AKNA: variants seen among roughly 807,000 people sequenced by gnomAD.
The protein encoded by AKNA is microtubule organization protein AKNA.
In AKNA, 67 loss-of-function variants were observed where a neutral mutation model predicts 138.8. The ratio of observed to expected loss-of-function variants is 0.48; its 90% CI spans 0.40 to 0.59. AKNA has a LOEUF of 0.59. AKNA is among the 20% of genes least tolerant of loss of function. The probability of loss-of-function intolerance (pLI) is 0.00; values close to 1 mark genes in which losing one functional copy is unlikely to be tolerated. For synonymous variants in AKNA, 737 were observed against 754.4 expected, an observed-to-expected ratio of 0.98 and a Z score of 0.38; for missense variants, 1,813 against 1,880.4, an observed-to-expected ratio of 0.96 and a Z score of 0.66.
chr9:114,376,621 T>C lies in AKNA; in HGVS notation c.1186A>G (p.Ile396Val). The C allele has an allele frequency of 1.2e-6, 2 of 1,614,132 alleles. No homozygotes were observed. The highest frequency in any genetic ancestry group is 1.7e-6 in the Non-Finnish European group (2 of 1,180,002). ...ACAATCTCAGCTGGAGACTTGAAGA[T>C]GAGGGGCCTGGCAGGGGCCTGAGGC... ...RKPQAPARPL[I>V]FKSPAEIVQE... The change falls in exon 3 of 22, where the codon ATC becomes GTC. Residue 396 changes from isoleucine (I) to valine (V), a missense_variant. Physicochemically the swap from Ile to Val is conservative, Grantham distance 29 (BLOSUM62 3). Transcript: ENST00000374088.
intron 15 of AKNA, chr9:114,349,095 T>C (rs1830917406): frequency 2.5e-6 from 1 of 401,586 alleles, no homozygotes; most frequent in Non-Finnish European, 5.1e-6. Flanking sequence ...AGGGCAAGTG[T>C]GGGCGGTGGC....
chr9:114,374,020 C>T (rs1020837599), intron 4 of AKNA, 73 bp downstream of exon 4: 5 of 1,488,558 alleles, frequency 3.4e-6, no homozygotes, highest in Non-Finnish European at 3.7e-6. Flanking sequence ...AGTGGCCTTT[C>T]TCTAGGACTA....
Position 114,342,074 on chromosome 9 carries a change from T to C in AKNA, c.3809A>G (p.Gln1270Arg). Residue 1270 changes from glutamine (Q) to arginine (R), a missense_variant, in exon 20 of 22, where the codon CAG (glutamine) becomes CGG (arginine). Physicochemically the swap from Gln to Arg is conservative, Grantham distance 43 (BLOSUM62 1). Coordinates refer to ENST00000374088, the MANE Select transcript of AKNA (RefSeq NM_001317950.2). ...PLGPPPADTLQCPLCGQVGSP... is the reference protein window; with the variant it reads ...PLGPPPADTLRCPLCGQVGSP... The stretch of plus-strand genomic sequence containing the variant: ...CCCAACTTGACCACACAGGGGACAC[T>C]GAAGGGTATCAGCGGGAGGCGGTCC... The C allele has an allele frequency of 6.2e-7, 1 of 1,613,164 alleles. No individual in the cohort carries two copies. The highest frequency in any genetic ancestry group is 8.5e-7 in the Non-Finnish European group (1 of 1,179,648).
upstream of AKNA, among the ~76,000 whole-genome samples, chr9:114,395,501 A>G (rs1834504480): frequency 6.6e-6 from 1 of 152,034 alleles, no homozygotes; most frequent in Admixed American, 6.5e-5. Context: ...TCAGGCTCAT[A>G]CCAACCTGTT....
chr9:114,361,876 C>A lies in AKNA; in HGVS notation c.1952G>T (p.Cys651Phe), dbSNP rs1831995499. Residue 651 changes from cysteine (C) to phenylalanine (F), a missense_variant, in exon 9 of 22, where the codon TGC (cysteine) becomes TTC (phenylalanine). By Grantham distance (205) the Cys-to-Phe change is radical (BLOSUM62 -2). Transcript: ENST00000374088. Reference protein sequence around the residue: ...LEAEIYRLGSCLEELKEHIDQ... With the variant: ...LEAEIYRLGSFLEELKEHIDQ... ...TATGTGTTCCTTCAGCTCTTCCAGGCAGCTTCCCAGACGGTATATCTCTGC... is the reference window on the plus strand; with the variant it reads ...TATGTGTTCCTTCAGCTCTTCCAGGAAGCTTCCCAGACGGTATATCTCTGC... 1 of 1,606,666 alleles carries A rather than the reference C, an allele frequency of 6.2e-7. No homozygotes were observed. Among genetic ancestry groups the A allele is most frequent in the Non-Finnish European group, 8.5e-7 (1 of 1,179,980 alleles).
rs1830039684 is a variant in AKNA at position 114,337,122 on chromosome 9, G to A, written c.4252C>T (p.Gln1418Ter). 1.2e-5 allele frequency: 19 copies of A among 1,606,606 alleles called. No individual in the cohort carries two copies. The highest frequency in any genetic ancestry group is 1.6e-5 in the Non-Finnish European group (19 of 1,177,082). Residue 1418 changes from glutamine (Q) to a stop codon, truncating the protein, a stop_gained, in exon 22 of 22, where the codon CAG (glutamine) becomes TAG (stop). Coordinates refer to ENST00000374088, the MANE Select transcript of AKNA (RefSeq NM_001317950.2). LOFTEE classifies it high-confidence loss of function. ...TCGGCTGACAGCGAGCTTCTCATCTGCCTGGTGGTAGAGCGGACGCTCTCG... is the reference window on the plus strand; with the variant it reads ...TCGGCTGACAGCGAGCTTCTCATCTACCTGGTGGTAGAGCGGACGCTCTCG... The part of the protein sequence containing the change: ...AAESVRSTTR[Q>*]MRSSLSADLR...
chr9:114,347,671 CTA>C, intron 16 of AKNA, 51 bp downstream of exon 16: 1 of 1,461,068 alleles, frequency 6.8e-7, no homozygotes, highest in East Asian at 2.6e-5. Flanking sequence ...CCAGCCAAGA[CTA>C]TCTTCTGTAG....
intron 16 of AKNA, 89 bp from the exon 17 acceptor site, chr9:114,346,873 G>T: frequency 9.3e-7 from 1 of 1,078,418 alleles, no homozygotes. Context: ...CTGGAGAAAT[G>T]CTTCTAACAC....
At chr9:114,380,710 T>A (rs934772114) in intron 2 of AKNA, among the ~76,000 whole-genome samples, 4 of 151,904 alleles carry the variant, frequency 2.6e-5, no homozygotes, top group Non-Finnish European at 1.5e-5. Context: ...ATGGCCGGGC[T>A]TATGCCTGTA....
chr9:114,371,355 C>T (rs1426258321), intron 4 of AKNA, among the ~76,000 whole-genome samples: 1 of 152,250 alleles, frequency 6.6e-6, no homozygotes, highest in Non-Finnish European at 1.5e-5. Context: ...CCTCTCTGTG[C>T]CTCAGCTTCC....
At position 114,346,704 on chromosome 9, in the gene AKNA, G is replaced by A. The variant is rs1482740213; in HGVS notation, c.3479C>T (p.Ser1160Phe). 6.2e-7 allele frequency: 1 copy of A among 1,612,766 alleles called. No individual in the cohort carries two copies. ...VPPGRQRARSSSVPREVLRLS... is the reference protein window; with the variant it reads ...VPPGRQRARSFSVPREVLRLS... Reference sequence around the variant, plus strand: ...TCGGAGCACCTCCCGAGGCACTGAGGAAGACCTGGCTCGCTGCCTTCCTGG... The same window carrying A: ...TCGGAGCACCTCCCGAGGCACTGAGAAAGACCTGGCTCGCTGCCTTCCTGG... Residue 1160 changes from serine (S) to phenylalanine (F), a missense_variant, in exon 17 of 22, where the codon TCC becomes TTC. By Grantham distance (155) the Ser-to-Phe change is radical. Transcript: ENST00000374088.
chr9:114,347,071 C>T (rs1359982569), intron 16 of AKNA, among the ~76,000 whole-genome samples: 1 of 152,122 alleles, frequency 6.6e-6, no homozygotes, highest in Non-Finnish European at 1.5e-5. Context: ...AGTGCCCTCC[C>T]ATAGACTCAA....
rs780673076 is a variant in AKNA, at chr9:114,341,574, G to A, written c.4026C>T (p.Tyr1342=). The stretch of plus-strand genomic sequence containing the variant: ...AAGGCATGATGGGAACCGAGGAGAT[G>A]TAGGCAAAGGCTGGAGGGGCTGGTG... ...PPAPAPPAFA[Y]ISSVPIMPYP... is the part of the protein sequence containing the mutation. Residue 1342 remains tyrosine, a synonymous_variant, in exon 21 of 22, where the codon TAC becomes TAT. Transcript: ENST00000374088. The A allele has an allele frequency of 3.1e-6, 5 of 1,614,030 alleles. No homozygotes were observed. The Admixed American group carries it at 8.3e-5, about 27-fold the overall frequency.
At chr9:114,364,468 CT>C (rs1832193149) in intron 7 of AKNA, 91 bp downstream of exon 7, 2 of 1,355,792 alleles carry the variant, frequency 1.5e-6, no homozygotes, top group African/African-American at 1.4e-5. Context: ...ATTCTCTTTT[CT>C]GTCTTGCAGC....
chr9:114,386,097 TA>T (rs1361730094), intron 1 of AKNA, among the ~76,000 whole-genome samples: 1 of 152,192 alleles, frequency 6.6e-6, no homozygotes, highest in Non-Finnish European at 1.5e-5. Context: ...TCAGAACTGT[TA>T]ACCTCTCTCC....
chr9:114,368,309 G>T, intron 5 of AKNA, 130 bp downstream of exon 5: 1 of 1,063,920 alleles, frequency 9.4e-7, no homozygotes, highest in Non-Finnish European at 1.2e-6. Context: ...AAGTGCCCAG[G>T]GTGGGGCCTT....
At chr9:114,366,736 G>A (rs1832389935) in intron 6 of AKNA, among the ~76,000 whole-genome samples, 1 of 150,398 alleles carries the variant, frequency 6.6e-6, no homozygotes, top group African/African-American at 2.5e-5. Flanking sequence ...GAGGGGAAGG[G>A]AGAGGAGAGG....
At position 114,367,547 on chromosome 9, in the gene AKNA, G is replaced by A; in HGVS notation, c.1724C>T (p.Ala575Val). The change falls in exon 6 of 22, where the codon GCC becomes GTC. Residue 575 changes from alanine to valine, a missense_variant. Physicochemically the swap from Ala to Val is moderately conservative, Grantham distance 64 (BLOSUM62 0). Transcript: ENST00000374088. ...ALASQASQFL[A>V]KVESFERLIQ... is the part of the protein sequence containing the mutation. The stretch of plus-strand genomic sequence containing the variant: ...CAAAGCTGGGAGTCCACTCACCTTG[G>A]CCAGGAACTGGCTGGCCTGAGAAGC... 6.2e-7 allele frequency: 1 copy of A among 1,613,122 alleles called. No individual in the cohort carries two copies. Among genetic ancestry groups the A allele is most frequent in the Non-Finnish European group, 8.5e-7 (1 of 1,179,910 alleles).
chr9:114,337,076 A>C lies in AKNA; in HGVS notation c.4298T>G (p.Leu1433Arg). The C allele has an allele frequency of 7.8e-7, 1 of 1,281,036 alleles. No homozygotes were observed. The highest frequency in any genetic ancestry group is 1.0e-6 in the Non-Finnish European group (1 of 982,152). 79.4% of individuals were successfully genotyped at this position (1,281,036 alleles called of 1,614,324 possible). A position where few individuals can be genotyped will look rare whatever the true frequency, so the allele number is the denominator to read the frequency against. Residue 1433 changes from leucine (L) to arginine (R), a missense_variant, in exon 22 of 22, where the codon CTG becomes CGG. Leu to Arg is a moderately radical substitution (Grantham distance 102, BLOSUM62 -2). Transcript: ENST00000374088. ...AAGTCAGAAGAGGCAGGAGCCCCGC[A>C]GGCTGTGAGCCTGGCGCAGGTCGGC... ...LSADLRQAHS[L>R]RGSCLF
Sources: allele counts gnomAD v4.1 joint callset (sites outside exome capture counted in the v4.1 genomes callset), GRCh38; gene constraint gnomAD v4.1.1; transcripts MANE v1.5; gene names NCBI Gene and HGNC (gene_info 2026-07-23, HGNC 2026-07-21).